Variants in NAGS observed in about 807,000 individuals in gnomAD.
NAGS encodes the protein N-acetylglutamate synthase.
NAGS carries 34 observed loss-of-function variants against 46.9 expected under a neutral mutation model. The ratio of observed to expected loss-of-function variants is 0.72; its 90% confidence interval spans 0.55 to 0.97. The LOEUF (loss-of-function observed/expected upper bound fraction) is 0.97, where lower values mean the gene tolerates loss of function less well. Among genes scored for constraint, NAGS ranks in the 50% least tolerant of loss-of-function variants. The pLI is 0.00. For synonymous variants in NAGS, 334 were observed against 346.3 expected (o/e 0.96, Z 0.39); for missense variants, 665 against 747.0 (o/e 0.89, Z 1.28).
Position 44,007,769 on chromosome 17 carries a change from C to T in NAGS, c.1447C>T (p.Pro483Ser). The T allele has an allele frequency of 6.4e-7, 1 of 1,568,558 alleles. No homozygotes were observed. The highest frequency in any genetic ancestry group is 8.7e-7 in the Non-Finnish European group (1 of 1,155,788). The change falls in exon 6 of 7, where the codon CCC (proline) becomes TCC (serine). Residue 483 changes from proline (P) to serine (S), a missense_variant. Transcript: ENST00000293404. The surrounding 1 kb of genome is among the most constrained non-coding windows in gnomAD (Gnocchi z 5.1). Reference sequence around the variant, plus strand: ...CTCCCGGGTCACCAACCCCATCAATCCCTGGTAGGTCCTGCCACTCCCAGC... The same window carrying T: ...CTCCCGGGTCACCAACCCCATCAATTCCTGGTAGGTCCTGCCACTCCCAGC... ...WRSRVTNPIN[P>S]WYFKHSDGSF...
At position 44,005,356 on chromosome 17, in the gene NAGS, G is replaced by A. The variant is rs1181197662; in HGVS notation, c.426+267G>A. On this transcript the variant is annotated intron_variant, in intron 1 of 6. Transcript: ENST00000293404. The surrounding 1 kb of genome is among the most constrained non-coding windows in gnomAD (Gnocchi z 7.2). ...GCCCCCAACATGGGCGCAGTTAGGGGTTCAGAAGGACCTGGACAGGAGCCG... is the reference window on the plus strand; with the variant it reads ...GCCCCCAACATGGGCGCAGTTAGGGATTCAGAAGGACCTGGACAGGAGCCG... 1.3e-5 allele frequency among the ~76,000 whole-genome samples: 2 copies of A among 152,222 alleles called. No individual in the cohort carries two copies. The highest frequency in any genetic ancestry group is 2.9e-5 in the Non-Finnish European group (2 of 68,036).
rs2049066410 is a variant in NAGS at position 44,005,005 on chromosome 17, G to A, written c.342G>A (p.Gly114=). 1 of 1,554,188 alleles carries A rather than the reference G, an allele frequency of 6.4e-7. No homozygotes were observed. The highest frequency in any genetic ancestry group is 1.9e-5 in the Admixed American group (1 of 53,278). ...RDIQAFLNQC[G]ASPGEARHWL... ...TCCAGGCCTTCCTGAACCAGTGCGGGGCCAGCCCTGGGGAGGCGCGCCACT... is the reference window on the plus strand; with the variant it reads ...TCCAGGCCTTCCTGAACCAGTGCGGAGCCAGCCCTGGGGAGGCGCGCCACT... Residue 114 remains glycine, a synonymous_variant, in exon 1 of 7, where the codon GGG becomes GGA. Transcript: ENST00000293404. The surrounding 1 kb of genome is among the most constrained non-coding windows in gnomAD (Gnocchi z 7.2).
At position 44,007,869 on chromosome 17, in the gene NAGS, T is replaced by G. The variant is rs1360366075; in HGVS notation, c.1451+96T>G. 6 of 1,282,048 alleles carry G rather than the reference T, an allele frequency of 4.7e-6. No homozygotes were observed. The highest frequency in any genetic ancestry group is 6.6e-6 in the Non-Finnish European group (6 of 903,616). The allele number at this position is 1,282,048 out of a possible 1,614,324, so 79.4% of individuals were successfully genotyped here. ...GCCAAGAAGGCTGGGCTTCCTCTTC[T>G]TCCACTGGTCTCCCTTTCACTACCT... On this transcript the variant is annotated intron_variant, in intron 6 of 6. Coordinates refer to ENST00000293404, the MANE Select transcript of NAGS (RefSeq NM_153006.3). This position sits in a 1 kb window ranked among gnomAD's most constrained non-coding sequence, Gnocchi z 5.1.
chr17:44,008,994 A>G lies in NAGS; in HGVS notation c.*393A>G. 3.8e-6 allele frequency: 1 copy of G among 261,012 alleles called. No homozygotes were observed. Among genetic ancestry groups the G allele is most frequent in the Non-Finnish European group, 7.6e-6 (1 of 131,274 alleles). 16.2% of individuals were successfully genotyped at this position (261,012 alleles called of 1,614,324 possible). On this transcript the variant is annotated 3_prime_UTR_variant, in exon 7 of 7. Transcript: ENST00000293404. ...AATACCCCTGCCTGCGTGATATTCT[A>G]CCATTCATTTTAATTCCTTTGGGTC...
chr17:44,005,671 T>C lies in NAGS; in HGVS notation c.461T>C (p.Val154Ala). Residue 154 changes from valine to alanine, a missense_variant, in exon 2 of 7, where the codon GTA (valine) becomes GCA (alanine). Val to Ala is a moderately conservative substitution (Grantham distance 64). Coordinates refer to ENST00000293404, the MANE Select transcript of NAGS (RefSeq NM_153006.3). The surrounding 1 kb of genome is among the most constrained non-coding windows in gnomAD (Gnocchi z 7.2). Reference sequence around the variant, plus strand: ...GAGGTGCTCAAGTGCCAGCAGGGCGTATCCAGTCTGGCCTTTGCCCTGGCC... The same window carrying C: ...GAGGTGCTCAAGTGCCAGCAGGGCGCATCCAGTCTGGCCTTTGCCCTGGCC... ...DEEVLKCQQG[V>A]SSLAFALAFL... The C allele has an allele frequency of 6.2e-7, 1 of 1,610,734 alleles. No homozygotes were observed. The highest frequency in any genetic ancestry group is 8.5e-7 in the Non-Finnish European group (1 of 1,178,778).
In NAGS at chr17:44,005,977, C is replaced by T. The variant is rs775172829; in HGVS notation, c.702-47C>T. On this transcript the variant is annotated intron_variant, in intron 2 of 6. Coordinates refer to ENST00000293404, the MANE Select transcript of NAGS (RefSeq NM_153006.3). The surrounding 1 kb of genome is among the most constrained non-coding windows in gnomAD (Gnocchi z 7.2). ...GCTACTCTGCCCGCCCTGCCCCGTC[C>T]GGCAGGCCTGGAGGGGGCCCTCTCG... 28 of 1,560,426 alleles carry T rather than the reference C, an allele frequency of 1.8e-5. No homozygotes were observed. The highest frequency in any genetic ancestry group is 2.3e-5 in the South Asian group (2 of 85,974).
At position 44,004,796 on chromosome 17, in the gene NAGS, C is replaced by T; in HGVS notation, c.133C>T (p.Pro45Ser). Reference protein sequence around the residue: ...ARRRAARGTSPGRRLSTAWSQ... With the variant: ...ARRRAARGTSSGRRLSTAWSQ... ...GCGGCGGGCGGCGAGGGGCACCAGC[C>T]CGGGGCGCCGGCTCAGCACCGCCTG... is the stretch of plus-strand genomic sequence containing the variant. Residue 45 changes from proline (P) to serine (S), a missense_variant, in exon 1 of 7, where the codon CCG (proline) becomes TCG (serine). Transcript: ENST00000293404. 1 of 1,373,312 alleles carries T rather than the reference C, an allele frequency of 7.3e-7. No homozygotes were observed. The highest frequency in any genetic ancestry group is 9.4e-7 in the Non-Finnish European group (1 of 1,069,020). 85.1% of individuals were successfully genotyped at this position (1,373,312 alleles called of 1,614,324 possible). A position where few individuals can be genotyped will look rare whatever the true frequency, so the allele number is the denominator to read the frequency against.
In NAGS at chr17:44,006,011, G is replaced by A. The variant is rs1392275954; in HGVS notation, c.702-13G>A. ...TGGAGGGGGCCCTCTCGAGCACCAC[G>A]TCTGGCCCACAGCTACGGCGGCATC... On this transcript the variant is annotated splice_polypyrimidine_tract_variant and intron_variant, in intron 2 of 6. Transcript: ENST00000293404. This position sits in a 1 kb window ranked among gnomAD's most constrained non-coding sequence, Gnocchi z 4.8. The A allele has an allele frequency of 1.9e-6, 3 of 1,590,956 alleles. No individual in the cohort carries two copies. The highest frequency in any genetic ancestry group is 2.6e-6 in the Non-Finnish European group (3 of 1,171,230).
chr17:44,004,856 G>A lies in NAGS; in HGVS notation c.193G>A (p.Gly65Ser), dbSNP rs552391761. 333 of 1,529,020 alleles carry A rather than the reference G, an allele frequency of 2.2e-4. No homozygotes were observed. The Middle Eastern group carries it at 2.7e-3, about 12-fold the overall frequency. 94.7% of individuals were successfully genotyped at this position (1,529,020 alleles called of 1,614,324 possible). A position where few individuals can be genotyped will look rare whatever the true frequency, so the allele number is the denominator to read the frequency against. The change falls in exon 1 of 7, where the codon GGC becomes AGC. Residue 65 changes from glycine (G) to serine (S), a missense_variant. By Grantham distance (56) the Gly-to-Ser change is moderately conservative. Coordinates refer to ENST00000293404, the MANE Select transcript of NAGS (RefSeq NM_153006.3). ...CCAGCCCCCGCCCGAGGAGTACGCG[G>A]GCGCGGACGACGTCTCCCAGTCGCC... is the stretch of plus-strand genomic sequence containing the variant. ...QPQPPPEEYA[G>S]ADDVSQSPVA...
In NAGS at chr17:44,007,493, G is replaced by A. The variant is rs1384433844; in HGVS notation, c.1267G>A (p.Gly423Arg). ...PRLHSIYVSEGYNAAAILTME... is the reference protein window; with the variant it reads ...PRLHSIYVSERYNAAAILTME... ...GCTGCACTCCATCTACGTCTCCGAG[G>A]GGTAAGCCTGCGGACCCCAGAGGGC... The change falls in exon 5 of 7, where the codon GGG becomes AGG. Residue 423 changes from glycine (G) to arginine (R), a missense_variant and splice_region_variant. Transcript: ENST00000293404. The surrounding 1 kb of genome is among the most constrained non-coding windows in gnomAD (Gnocchi z 5.1). The A allele has an allele frequency of 6.2e-7, 1 of 1,613,690 alleles. No individual in the cohort carries two copies. Among genetic ancestry groups the A allele is most frequent in the Non-Finnish European group, 8.5e-7 (1 of 1,179,958 alleles).
rs773374739 is a variant in NAGS at position 44,004,766 on chromosome 17, G to A, written c.103G>A (p.Ala35Thr). 14 of 1,397,596 alleles carry A rather than the reference G, an allele frequency of 1.0e-5. No homozygotes were observed. In the South Asian group the frequency reaches 2.3e-4, roughly 23 times the overall value. The allele number at this position is 1,397,596 out of a possible 1,614,324, so 86.6% of individuals were successfully genotyped here. ...TGGARRLSCG[A>T]RRRAARGTSP... ...GGGCGCCCGAAGGCTGAGCTGTGGC[G>A]CGCGGCGGCGGGCGGCGAGGGGCAC... Residue 35 changes from alanine to threonine, a missense_variant, in exon 1 of 7, where the codon GCG (alanine) becomes ACG (threonine). Transcript: ENST00000293404.
chr17:44,008,944 G>A lies in NAGS; in HGVS notation c.*343G>A, dbSNP rs1374157601. ...GCTAGTTTCTGTGCCTCTGTGCTAT[G>A]TTTTGAGGCTCCCTTACCCAAAATA... is the stretch of plus-strand genomic sequence containing the variant. On this transcript the variant is annotated 3_prime_UTR_variant, in exon 7 of 7. Transcript: ENST00000293404. 2 of 378,880 alleles carry A rather than the reference G, an allele frequency of 5.3e-6. No individual in the cohort carries two copies. Among genetic ancestry groups the A allele is most frequent in the Non-Finnish European group, 1.0e-5 (2 of 200,264 alleles). The allele number at this position is 378,880 out of a possible 1,614,324, so 23.5% of individuals were successfully genotyped here. A position where few individuals can be genotyped will look rare whatever the true frequency, so the allele number is the denominator to read the frequency against.
In NAGS at chr17:44,005,171, G is replaced by A; in HGVS notation, c.426+82G>A. 6.7e-7 allele frequency: 1 copy of A among 1,490,382 alleles called. No homozygotes were observed. The highest frequency in any genetic ancestry group is 8.9e-7 in the Non-Finnish European group (1 of 1,118,404). The allele number at this position is 1,490,382 out of a possible 1,614,324, so 92.3% of individuals were successfully genotyped here. ...CCTGTCCTCAGGCATGGCAGGATACGCTGCGGGCTCTGCGCAGCGGAAGCG... is the reference window on the plus strand; with the variant it reads ...CCTGTCCTCAGGCATGGCAGGATACACTGCGGGCTCTGCGCAGCGGAAGCG... On this transcript the variant is annotated intron_variant, in intron 1 of 6. Coordinates refer to ENST00000293404, the MANE Select transcript of NAGS (RefSeq NM_153006.3). This position sits in a 1 kb window ranked among gnomAD's most constrained non-coding sequence, Gnocchi z 7.2.
In NAGS at chr17:44,005,753, G is replaced by A. The variant is rs374904086; in HGVS notation, c.543G>A (p.Thr181=). 11 of 1,589,896 alleles carry A rather than the reference G, an allele frequency of 6.9e-6. No homozygotes were observed. The highest frequency in any genetic ancestry group is 6.9e-5 in the South Asian group (6 of 87,366). Residue 181 remains threonine, a synonymous_variant, in exon 2 of 7, where the codon ACG becomes ACA. Coordinates refer to ENST00000293404, the MANE Select transcript of NAGS (RefSeq NM_153006.3). The surrounding 1 kb of genome is among the most constrained non-coding windows in gnomAD (Gnocchi z 7.2). ...PLVVLGLPAP[T]APSGCLSFWE... is the part of the protein sequence containing the mutation. Reference sequence around the variant, plus strand: ...TGGTCCTGGGGCTGCCGGCCCCTACGGCTCCCTCGGGCTGTCTTTCCTTCT... The same window carrying A: ...TGGTCCTGGGGCTGCCGGCCCCTACAGCTCCCTCGGGCTGTCTTTCCTTCT...
In NAGS at chr17:44,005,727, G is replaced by C. The variant is rs960371784; in HGVS notation, c.517G>C (p.Val173Leu). The C allele has an allele frequency of 2.5e-6, 4 of 1,595,194 alleles. No individual in the cohort carries two copies. The African/African-American group carries it at 5.4e-5, about 21-fold the overall frequency. The change falls in exon 2 of 7, where the codon GTG becomes CTG. Residue 173 changes from valine (V) to leucine (L), a missense_variant. Coordinates refer to ENST00000293404, the MANE Select transcript of NAGS (RefSeq NM_153006.3). The surrounding 1 kb of genome is among the most constrained non-coding windows in gnomAD (Gnocchi z 7.2). ...GCAGCGCATGGACATGAAGCCGCTG[G>C]TGGTCCTGGGGCTGCCGGCCCCTAC... Reference protein sequence around the residue: ...FLQRMDMKPLVVLGLPAPTAP... With the variant: ...FLQRMDMKPLLVLGLPAPTAP...
chr17:44,007,209 TG>T lies in NAGS; in HGVS notation c.1097-112del. ...GCAGACCACTGAAATCATTTCACTG[TG>T]GAGGTCTCCCAAAGACGGAAATTGT... On this transcript the variant is annotated intron_variant, in intron 4 of 6. Transcript: ENST00000293404. This position sits in a 1 kb window ranked among gnomAD's most constrained non-coding sequence, Gnocchi z 5.1. The T allele has an allele frequency of 3.3e-6, 3 of 901,426 alleles. No homozygotes were observed. Among genetic ancestry groups the T allele is most frequent in the Non-Finnish European group, 3.4e-6 (2 of 586,014 alleles). The allele number at this position is 901,426 out of a possible 1,614,324, so 55.8% of individuals were successfully genotyped here.
Position 44,004,891 on chromosome 17 carries a change from G to A in NAGS, c.228G>A (p.Glu76=), listed in dbSNP as rs945908632. ...ADDVSQSPVA[E]EPSWVPSPRP... ...ACGTCTCCCAGTCGCCCGTCGCCGA[G>A]GAGCCGTCGTGGGTGCCGAGTCCCA... The change falls in exon 1 of 7, where the codon GAG becomes GAA. Residue 76 remains glutamate (E), a synonymous_variant. Coordinates refer to ENST00000293404, the MANE Select transcript of NAGS (RefSeq NM_153006.3). 3.9e-6 allele frequency: 6 copies of A among 1,532,706 alleles called. No individual in the cohort carries two copies. In the African/African-American group the frequency reaches 6.9e-5, roughly 18 times the overall value. The allele number at this position is 1,532,706 out of a possible 1,614,324, so 94.9% of individuals were successfully genotyped here.
chr17:44,008,326 C>A, intron 6 of NAGS, 122 bp from the exon 7 acceptor site: 1 of 1,187,102 alleles, frequency 8.4e-7, no homozygotes, highest in Non-Finnish European at 1.3e-6. Context: ...CACAGCAGGA[C>A]CAAGCTGGGT....
rs576289516 is a variant in NAGS at position 44,009,053 on chromosome 17, A to C, written c.*452A>C. 4.7e-6 allele frequency: 1 copy of C among 211,174 alleles called. No individual in the cohort carries two copies. The highest frequency in any genetic ancestry group is 5.2e-5 in the Admixed American group (1 of 19,256). The allele number at this position is 211,174 out of a possible 1,614,324, so 13.1% of individuals were successfully genotyped here. ...TTTCAGGAGGCCTTGATTAAAATGC[A>C]AATACTTGTCTGAGAGTCAGCTTAC... On this transcript the variant is annotated 3_prime_UTR_variant, in exon 7 of 7. Coordinates refer to ENST00000293404, the MANE Select transcript of NAGS (RefSeq NM_153006.3). The surrounding 1 kb of genome is among the most constrained non-coding windows in gnomAD (Gnocchi z 4.0).
Sources: allele counts gnomAD v4.1 joint callset (sites outside exome capture counted in the v4.1 genomes callset), GRCh38; gene constraint gnomAD v4.1.1; non-coding constraint Gnocchi (gnomAD v3.1); transcripts MANE v1.5; gene names NCBI Gene and HGNC (gene_info 2026-07-23, HGNC 2026-07-21).